NLRP9: variants seen among roughly 807,000 people sequenced by gnomAD.
NLRP9 encodes the protein NACHT, LRR and PYD domains-containing protein 9.
Under a neutral mutation model 83.1 loss-of-function variants are expected in NLRP9, and 88 were observed. That is an observed-to-expected ratio of 1.06 (90% CI 0.89 to 1.26). The LOEUF (loss-of-function observed/expected upper bound fraction) is 1.26, where lower values mean the gene tolerates loss of function less well. Ranked by LOEUF, NLRP9 falls within the 50% of genes most tolerant of loss-of-function variation. The pLI is 0.00. For missense variants in NLRP9, 1,308 were observed against 1,179.3 expected (o/e 1.11, Z -1.60); for synonymous variants, 521 against 447.6 (o/e 1.16, Z -2.07).
At chr19:55,715,004 G>A (rs373274630) in intron 6 of NLRP9, 51 bp downstream of exon 6, 3 of 1,517,484 alleles carry the variant, frequency 2.0e-6, no homozygotes, top group Non-Finnish European at 2.7e-6. Flanking sequence ...TAGAGCCACA[G>A]TATCCAAAAA....
chr19:55,737,102 C>A (rs558175237), intron 1 of NLRP9, among the ~76,000 whole-genome samples: 9 of 152,122 alleles, frequency 5.9e-5, no homozygotes, highest in Non-Finnish European at 1.2e-4. Flanking sequence ...TCCTAAGTAT[C>A]CCCCGAGAGG....
At chr19:55,738,002 A>G in intron 1 of NLRP9, 93 bp downstream of exon 1, 1 of 1,199,104 alleles carries the variant, frequency 8.3e-7, no homozygotes, top group African/African-American at 1.5e-5. Context: ...ACACATTCTC[A>G]TCTGATGGAG....
At chr19:55,733,918 A>ATTTTTTTTTTTTTTTTTT (rs1423854158) in intron 1 of NLRP9, among the ~76,000 whole-genome samples, 1 of 118,058 alleles carries the variant, frequency 8.5e-6, no homozygotes, top group African/African-American at 3.7e-5. Context: ...TTGTCAACCA[A>ATTTTTTTTTTTTTTTTTT]ATTTTTTTTT....
At chr19:55,737,987 C>A in intron 1 of NLRP9, 108 bp downstream of exon 1, 1 of 1,065,576 alleles carries the variant, frequency 9.4e-7, no homozygotes, top group South Asian at 1.4e-5. Flanking sequence ...CTCACCTTGA[C>A]CCACACACAT....
At chr19:55,711,334 G>A in intron 8 of NLRP9, 5 of 1,056,954 alleles carry the variant, frequency 4.7e-6, no homozygotes, top group Non-Finnish European at 5.8e-6. Flanking sequence ...TTTCAAATAG[G>A]TACAACTCTA....
At chr19:55,716,588 C>T (rs1600129644) in intron 5 of NLRP9, 140 bp downstream of exon 5, 4 of 662,378 alleles carry the variant, frequency 6.0e-6, no homozygotes, top group East Asian at 5.2e-5. Context: ...GCAACTGAGG[C>T]GTGGGAAAGG....
intron 4 of NLRP9, among the ~76,000 whole-genome samples, chr19:55,720,783 C>A (rs1338646753): frequency 6.6e-6 from 1 of 152,182 alleles, no homozygotes; most frequent in Non-Finnish European, 1.5e-5. Flanking sequence ...ACCTAGGATT[C>A]ATTCCGCAAT....
chr19:55,736,552 G>A (rs929978907), intron 1 of NLRP9, among the ~76,000 whole-genome samples: 1 of 151,922 alleles, frequency 6.6e-6, no homozygotes, highest in African/African-American at 2.4e-5. Context: ...GAACCACACA[G>A]ATAAAGAAAA....
chr19:55,714,895 C>T (rs1386012253), intron 6 of NLRP9, among the ~76,000 whole-genome samples, 160 bp downstream of exon 6: 3 of 152,138 alleles, frequency 2.0e-5, no homozygotes, highest in Non-Finnish European at 4.4e-5. Context: ...AGAGGATCCA[C>T]CTCCTAGTAC....
intron 3 of NLRP9, 92 bp from the exon 4 acceptor site, chr19:55,724,236 T>C (rs935298124): frequency 8.6e-6 from 7 of 814,914 alleles, no homozygotes; most frequent in African/African-American, 1.8e-5. Context: ...CCCTGAATGC[T>C]GGGCCTCACC....
Position 55,732,514 on chromosome 19 carries a change from G to C in NLRP9, c.1317C>G (p.Asp439Glu). Residue 439 changes from aspartate to glutamate, a missense_variant, in exon 2 of 9, where the codon GAC becomes GAG. By Grantham distance (45) the Asp-to-Glu change is conservative (BLOSUM62 2). Transcript: ENST00000332836. ...VGMRLLQRRG[D>E]CFAFMHLCIQ... ...TACACAGATGCATGAAGGCAAAACA[G>C]TCCCCTCTCCTTTGGAGGAGTCTCA... The C allele has an allele frequency of 1.9e-6, 3 of 1,614,188 alleles. No individual in the cohort carries two copies. The highest frequency in any genetic ancestry group is 1.6e-4 in the Middle Eastern group (1 of 6,062).
intron 2 of NLRP9, among the ~76,000 whole-genome samples, chr19:55,731,236 T>C (rs752155968): frequency 2.6e-5 from 4 of 151,136 alleles, no homozygotes; most frequent in Non-Finnish European, 5.9e-5. Flanking sequence ...AAAAGGCATA[T>C]GGAAAAAATG....
intron 5 of NLRP9, among the ~76,000 whole-genome samples, chr19:55,716,257 CTTT>C (rs931275248): frequency 0.12 from 14,563 of 117,270 alleles, 533 homozygotes; most frequent in Middle Eastern, 0.19. Context: ...TAAAAATTTT[CTTT>C]TTTTTTTTTT....
rs566500388 is a variant in NLRP9 at position 55,715,459 on chromosome 19, C to T, written c.2331-234G>A. ...CAGCACTTTGGGAGGCTGAGGCGGG[C>T]GGATCACCTGAGATAAGGAGTTTGA... On this transcript the variant is annotated intron_variant, in intron 5 of 8. Coordinates refer to ENST00000332836, the MANE Select transcript of NLRP9 (RefSeq NM_176820.4). Among the ~76,000 whole-genome samples, 12 of 152,082 alleles carry T rather than the reference C, an allele frequency of 7.9e-5. No homozygotes were observed. The East Asian group carries it at 9.7e-4, about 12-fold the overall frequency.
intron 5 of NLRP9, among the ~76,000 whole-genome samples, chr19:55,716,090 A>G (rs538643814): frequency 4.6e-5 from 7 of 152,298 alleles, no homozygotes; most frequent in Non-Finnish European, 7.3e-5. Flanking sequence ...TTTAATCACA[A>G]TGTACCGTAT....
chr19:55,725,727 A>G (rs138528189), intron 3 of NLRP9, among the ~76,000 whole-genome samples: 1,759 of 152,238 alleles, frequency 0.012, 16 homozygotes, highest in Middle Eastern at 0.027. Flanking sequence ...GTGCTACCAC[A>G]TGAAAACAGG....
In NLRP9 at chr19:55,738,152, G is replaced by A. The variant is rs752855245; in HGVS notation, c.223C>T (p.Leu75=). 1.9e-6 allele frequency: 3 copies of A among 1,614,006 alleles called. No individual in the cohort carries two copies. The highest frequency in any genetic ancestry group is 2.2e-5 in the South Asian group (2 of 91,076). ...GKQAWEVTLN[L]FLQINRKDLW... is the part of the protein sequence containing the mutation. ...TCTTTCCTATTGATCTGTAGAAACA[G>A]GTTCAGTGTTACCTCCCATGCCTGC... Residue 75 remains leucine (L), a synonymous_variant, in exon 1 of 9, where the codon CTG becomes TTG. Coordinates refer to ENST00000332836, the MANE Select transcript of NLRP9 (RefSeq NM_176820.4).
chr19:55,713,457 G>A (rs112533764), intron 6 of NLRP9, among the ~76,000 whole-genome samples: 1,977 of 151,782 alleles, frequency 0.013, 57 homozygotes, highest in African/African-American at 0.045. Context: ...TCTGATGTAT[G>A]TACTTGTGTG....
chr19:55,732,927 C>T lies in NLRP9; in HGVS notation c.904G>A (p.Glu302Lys). The T allele has an allele frequency of 6.2e-7, 1 of 1,614,018 alleles. No homozygotes were observed. The highest frequency in any genetic ancestry group is 8.5e-7 in the Non-Finnish European group (1 of 1,179,996). ...LIKLLGFSES[E>K]KKSYFSYFFG... ...AAGTAGGAGAAATACGACTTCTTTTCAGATTCACTGAATCCTAAGAGCTTT... is the reference window on the plus strand; with the variant it reads ...AAGTAGGAGAAATACGACTTCTTTTTAGATTCACTGAATCCTAAGAGCTTT... The change falls in exon 2 of 9, where the codon GAA becomes AAA. Residue 302 changes from glutamate to lysine, a missense_variant. Glu to Lys is a moderately conservative substitution (Grantham distance 56, BLOSUM62 1). Coordinates refer to ENST00000332836, the MANE Select transcript of NLRP9 (RefSeq NM_176820.4).
Sources: allele counts gnomAD v4.1 joint callset (sites outside exome capture counted in the v4.1 genomes callset), GRCh38; gene constraint gnomAD v4.1.1; transcripts MANE v1.5; gene names NCBI Gene and HGNC (gene_info 2026-07-23, HGNC 2026-07-21).